The following ADAMTSL1 variants were observed in gnomAD, a reference collection of about 807,000 sequenced individuals.
ADAMTSL1 encodes the protein ADAMTS-like protein 1.
Under a neutral mutation model 201.8 loss-of-function variants are expected in ADAMTSL1, and 126 were observed. The observed-to-expected ratio is 0.62, with a 90% CI of 0.54 to 0.72. The LOEUF (loss-of-function observed/expected upper bound fraction) is 0.72, where lower values mean the gene tolerates loss of function less well. Ranked by LOEUF, ADAMTSL1 falls within the 30% of genes least tolerant of loss-of-function variation. The pLI is 0.00. For synonymous variants in ADAMTSL1, 1,121 were observed against 903.4 expected (o/e 1.24, Z -4.32); for missense variants, 2,679 against 2,277.8 (o/e 1.18, Z -3.59).
chr9:18,154,302 G>A (rs1311241433), intron 1 of ADAMTSL1, among the ~76,000 whole-genome samples: 4 of 151,994 alleles, frequency 2.6e-5, no homozygotes, highest in East Asian at 3.9e-4. Context: ...TGGGTTGACC[G>A]AGTTCAACTG....
intron 2 of ADAMTSL1, among the ~76,000 whole-genome samples, chr9:18,205,265 C>T (rs952070645): frequency 1.3e-5 from 2 of 152,096 alleles, no homozygotes; most frequent in African/African-American, 4.8e-5. Flanking sequence ...CACTATAATG[C>T]TCTTAGAAAT....
At chr9:18,261,548 A>T (rs1831924821) in intron 2 of ADAMTSL1, among the ~76,000 whole-genome samples, 1 of 152,198 alleles carries the variant, frequency 6.6e-6, no homozygotes, top group South Asian at 2.1e-4. Flanking sequence ...AGAATTCTGC[A>T]CATATGTTTT....
chr9:18,619,032 T>C (rs1434022692), intron 4 of ADAMTSL1, among the ~76,000 whole-genome samples: 1 of 152,188 alleles, frequency 6.6e-6, no homozygotes, highest in Admixed American at 6.5e-5. Flanking sequence ...ACAGGCTTTC[T>C]TGAGCAGACG....
At chr9:18,314,111 C>A (rs2132810726) in intron 2 of ADAMTSL1, among the ~76,000 whole-genome samples, 1 of 152,138 alleles carries the variant, frequency 6.6e-6, no homozygotes, top group South Asian at 2.1e-4. Flanking sequence ...TAGGGAAGTG[C>A]AAATCAAAAC....
At chr9:18,657,481 G>C (rs1828764946) in intron 7 of ADAMTSL1, 158 bp from the exon 8 acceptor site, 1 of 589,710 alleles carries the variant, frequency 1.7e-6, no homozygotes, top group African/African-American at 1.9e-5. Flanking sequence ...TGGTAAAATG[G>C]TAGGATACAT....
chr9:18,117,180 T>C (rs1390770227), intron 1 of ADAMTSL1, among the ~76,000 whole-genome samples: 1 of 152,182 alleles, frequency 6.6e-6, no homozygotes, highest in African/African-American at 2.4e-5. Context: ...CTATATTTAT[T>C]CTTTTGCCAT....
chr9:18,710,110 G>C (rs1160527378), intron 14 of ADAMTSL1, among the ~76,000 whole-genome samples: 2 of 152,296 alleles, frequency 1.3e-5, no homozygotes, highest in East Asian at 3.9e-4. Context: ...GAAGCCCTTA[G>C]AGTTTTTCCC....
chr9:18,474,077 C>T (rs1821329184), upstream of ADAMTSL1: 1 of 550,204 alleles, frequency 1.8e-6, no homozygotes, highest in Non-Finnish European at 3.2e-6. Context: ...CCCACCCATC[C>T]ACCCACCCAC....
chr9:18,328,049 A>C (rs753580773), intron 2 of ADAMTSL1, among the ~76,000 whole-genome samples: 2 of 152,236 alleles, frequency 1.3e-5, no homozygotes, highest in African/African-American at 2.4e-5. Context: ...AGATTCAAAT[A>C]ATGTTGTAGT....
At chr9:17,931,803 C>G (rs1029794942) in intron 1 of ADAMTSL1, among the ~76,000 whole-genome samples, 2 of 152,142 alleles carry the variant, frequency 1.3e-5, no homozygotes, top group African/African-American at 4.8e-5. Flanking sequence ...GAGGTTTATG[C>G]TGAAACTCCA....
Position 18,292,578 on chromosome 9 carries a change from G to T in ADAMTSL1, c.207+128597G>T, listed in dbSNP as rs140692945. Among the ~76,000 whole-genome samples, 99 of 152,242 alleles carry T rather than the reference G, an allele frequency of 6.5e-4. 1 individual carries two copies. In the East Asian group the frequency reaches 0.014, roughly 22 times the overall value. ...CTGGGTGGGCACCATCTAATCAGCT[G>T]CCAGTGTGGCTAGAATAAAGCAAGC... On this transcript the variant is annotated intron_variant, in intron 2 of 29. Coordinates refer to the ADAMTSL1 transcript ENST00000680146.
At chr9:18,201,999 T>G (rs574385518) in intron 2 of ADAMTSL1, among the ~76,000 whole-genome samples, 16 of 152,298 alleles carry the variant, frequency 1.1e-4, no homozygotes, top group Middle Eastern at 3.4e-3. Context: ...ATACACTATT[T>G]TATAAGAGAA....
chr9:18,183,732 G>A (rs1828605167), intron 2 of ADAMTSL1, among the ~76,000 whole-genome samples: 1 of 152,124 alleles, frequency 6.6e-6, no homozygotes, highest in African/African-American at 2.4e-5. Flanking sequence ...TCTAACTTAT[G>A]TGCAACATTC....
At chr9:18,240,857 A>G (rs1451371844) in intron 2 of ADAMTSL1, among the ~76,000 whole-genome samples, 1 of 152,166 alleles carries the variant, frequency 6.6e-6, no homozygotes, top group Admixed American at 6.6e-5. Context: ...TTTCTGTTAT[A>G]GAGGCAGCTT....
chr9:18,679,646 A>C (rs903706170), intron 10 of ADAMTSL1, among the ~76,000 whole-genome samples: 2 of 152,208 alleles, frequency 1.3e-5, no homozygotes, highest in East Asian at 1.9e-4. Context: ...AGGAACTCTA[A>C]CTACCAGTAT....
intron 2 of ADAMTSL1, among the ~76,000 whole-genome samples, chr9:18,464,228 G>A (rs1014996194): frequency 6.6e-6 from 1 of 152,204 alleles, no homozygotes; most frequent in African/African-American, 2.4e-5. Context: ...CAAGCTAGAT[G>A]CAAACATTAC....
rs77765938 is a variant in ADAMTSL1 at position 18,892,923 on chromosome 9, C to T, written c.4851+327C>T. Among the ~76,000 whole-genome samples the T allele has an allele frequency of 3.4e-3, 521 of 152,038 alleles. 2 individuals carry two copies. The highest frequency in any genetic ancestry group is 0.011 in the African/African-American group (448 of 41,444). ...GGTGTGTCCTTTGGAAAACAATCAC[C>T]GGCGACTTTCTATTAAGTTAACACA... is the stretch of plus-strand genomic sequence containing the variant. On this transcript the variant is annotated intron_variant, in intron 26 of 28. Coordinates refer to ENST00000380548, the MANE Select transcript of ADAMTSL1 (RefSeq NM_001040272.6).
chr9:18,644,601 T>C (rs1432153652), intron 7 of ADAMTSL1, among the ~76,000 whole-genome samples: 1 of 149,580 alleles, frequency 6.7e-6, no homozygotes, highest in African/African-American at 2.4e-5. Context: ...TGTGTTCTCA[T>C]TGTTCAATTC....
chr9:18,864,705 G>T (rs1221686331), intron 23 of ADAMTSL1, among the ~76,000 whole-genome samples: 2 of 152,194 alleles, frequency 1.3e-5, no homozygotes, highest in Non-Finnish European at 2.9e-5. Flanking sequence ...AGGCTGTTTA[G>T]TCACAGAAGC....
Sources: gnomAD v4.1 joint callset for allele counts (sites outside exome capture counted in the v4.1 genomes callset) on GRCh38, gnomAD v4.1.1 for gene constraint, MANE v1.5 for transcripts, NCBI Gene and HGNC (gene_info 2026-07-23, HGNC 2026-07-21) for gene names.